The following NBEA variants were observed in gnomAD, a reference collection of about 807,000 sequenced individuals.
NBEA encodes lysosomal-trafficking regulator 2.
NBEA carries 44 observed loss-of-function variants against 343.4 expected under a neutral mutation model. That is an observed-to-expected ratio of 0.13 (90% CI 0.10 to 0.16). The LOEUF is 0.16. Ranked by LOEUF, NBEA falls within the 10% of genes least tolerant of loss-of-function variation. The pLI is 1.00. For synonymous variants in NBEA, 1,175 were observed against 1,238.7 expected (o/e 0.95, Z 1.08); for missense variants, 2,555 against 3,631.3 (o/e 0.70, Z 7.62).
intron 13 of NBEA, among the ~76,000 whole-genome samples, chr13:35,116,378 T>C (rs1451584673): frequency 1.3e-5 from 2 of 152,138 alleles, no homozygotes; most frequent in African/African-American, 4.8e-5. Flanking sequence ...TCATGTATGT[T>C]TTCTGTACAT....
chr13:35,158,746 T>C (rs2069358258), intron 21 of NBEA, among the ~76,000 whole-genome samples: 1 of 152,148 alleles, frequency 6.6e-6, no homozygotes, highest in South Asian at 2.1e-4. Context: ...ATTGAAATAC[T>C]TAGCCTAAAA....
chr13:35,265,487 A>C (rs1055559793), intron 34 of NBEA, among the ~76,000 whole-genome samples: 12 of 151,944 alleles, frequency 7.9e-5, no homozygotes, highest in African/African-American at 2.2e-4. Context: ...ATAGTAACCC[A>C]AACAACATGG....
At chr13:35,154,281 A>C (rs2069000599) in intron 18 of NBEA, among the ~76,000 whole-genome samples, 1 of 152,146 alleles carries the variant, frequency 6.6e-6, no homozygotes, top group Non-Finnish European at 1.5e-5. Flanking sequence ...AGAAGAGACC[A>C]TCCCTCTCTC....
At chr13:35,152,545 G>A (rs2068860360) in intron 18 of NBEA, among the ~76,000 whole-genome samples, 1 of 152,148 alleles carries the variant, frequency 6.6e-6, no homozygotes, top group African/African-American at 2.4e-5. Flanking sequence ...GGGAGCAGGT[G>A]CATCAGAAAG....
At chr13:35,575,652 T>A (rs1009714569) in intron 45 of NBEA, among the ~76,000 whole-genome samples, 12 of 152,144 alleles carry the variant, frequency 7.9e-5, no homozygotes, top group Admixed American at 7.2e-4. Context: ...GTGTGAAAAA[T>A]AGTATTTTCC....
intron 34 of NBEA, among the ~76,000 whole-genome samples, chr13:35,239,993 A>G (rs2029935410): frequency 6.6e-6 from 1 of 151,502 alleles, no homozygotes; most frequent in Admixed American, 6.6e-5. Flanking sequence ...GAGCAGTTTG[A>G]GCATCCATAA....
At chr13:35,445,782 T>TTATATATATATATATA (rs71081255) in intron 39 of NBEA, among the ~76,000 whole-genome samples, 37 of 113,218 alleles carry the variant, frequency 3.3e-4, no homozygotes, top group African/African-American at 6.5e-4. Context: ...ATATAAATGT[T>TTATATATATATATATA]TATATATATA....
intron 38 of NBEA, among the ~76,000 whole-genome samples, chr13:35,354,470 G>A (rs1328315471): frequency 5.9e-5 from 9 of 152,122 alleles, no homozygotes; most frequent in Admixed American, 5.9e-4. Context: ...GTGGTAACAT[G>A]TCAGATGCGT....
At chr13:35,549,687 A>G (rs550128990) in intron 41 of NBEA, among the ~76,000 whole-genome samples, 3 of 152,302 alleles carry the variant, frequency 2.0e-5, no homozygotes. Flanking sequence ...TGCCAGCTAT[A>G]TATGACTCAT....
intron 1 of NBEA, 111 bp downstream of exon 1, chr13:34,943,225 G>C: frequency 7.1e-7 from 1 of 1,413,388 alleles, no homozygotes; most frequent in Non-Finnish European, 9.6e-7. Flanking sequence ...GCGCGTCCCT[G>C]GGAGCGCAGA....
At chr13:35,213,066 A>G (rs1041764259) in intron 33 of NBEA, among the ~76,000 whole-genome samples, 5 of 152,074 alleles carry the variant, frequency 3.3e-5, no homozygotes, top group Admixed American at 2.0e-4. Context: ...TTGGTGTTGT[A>G]AATGCTTTGT....
At chr13:35,550,454 T>A in intron 41 of NBEA, 23 bp from the exon 42 acceptor site, 1 of 1,383,626 alleles carries the variant, frequency 7.2e-7, no homozygotes, top group Non-Finnish European at 1.0e-6. Context: ...GATTGACACT[T>A]CCCTTTAAAC....
At chr13:34,955,721 G>A (rs2059469959) in intron 1 of NBEA, among the ~76,000 whole-genome samples, 1 of 152,010 alleles carries the variant, frequency 6.6e-6, no homozygotes, top group South Asian at 2.1e-4. Context: ...AATTCTAGTA[G>A]TACAGTTGAC....
At chr13:35,299,004 G>A (rs535048388) in intron 35 of NBEA, among the ~76,000 whole-genome samples, 9 of 151,554 alleles carry the variant, frequency 5.9e-5, no homozygotes, top group East Asian at 1.9e-4. Context: ...AAAAATTCTC[G>A]TCTCTATTTT....
At chr13:35,104,330 C>T (rs2065808266) in intron 11 of NBEA, among the ~76,000 whole-genome samples, 1 of 151,894 alleles carries the variant, frequency 6.6e-6, no homozygotes, top group Non-Finnish European at 1.5e-5. Context: ...ACCATTCTGG[C>T]ATGTTTTATA....
intron 44 of NBEA, among the ~76,000 whole-genome samples, chr13:35,558,553 T>C (rs546990460): frequency 7.9e-5 from 12 of 152,066 alleles, no homozygotes; most frequent in Non-Finnish European, 1.6e-4. Flanking sequence ...AATATCATTA[T>C]ACAAAAAAGT....
intron 47 of NBEA, among the ~76,000 whole-genome samples, chr13:35,601,695 T>G (rs2798339): frequency 0.94 from 141,078 of 149,300 alleles, 67,113 homozygotes; most frequent in East Asian, 1. Context: ...CTGGGAGGTG[T>G]AGGTTGCAAT....
chr13:35,432,454 G>T, intron 39 of NBEA, 61 bp downstream of exon 39: 1 of 1,424,282 alleles, frequency 7.0e-7, no homozygotes, highest in Admixed American at 2.4e-5. Context: ...CCTTGTGTTT[G>T]AGAATTCCTT....
At chr13:35,046,928 GTCT>G (rs960555761) in intron 4 of NBEA, among the ~76,000 whole-genome samples, 5 of 151,894 alleles carry the variant, frequency 3.3e-5, no homozygotes, top group Admixed American at 3.3e-4. Context: ...CCATTCTTAT[GTCT>G]TCATTTGTGA....
Sources: gnomAD v4.1 joint callset for allele counts (sites outside exome capture counted in the v4.1 genomes callset) on GRCh38, gnomAD v4.1.1 for gene constraint, MANE v1.5 for transcripts, NCBI Gene and HGNC (gene_info 2026-07-23, HGNC 2026-07-21) for gene names.